RTN1: variants seen among roughly 807,000 people sequenced by gnomAD.
RTN1 encodes reticulon-1.
In RTN1, 25 loss-of-function variants were observed where a neutral mutation model predicts 65.5. The observed-to-expected ratio is 0.38, with a 90% CI of 0.28 to 0.53. The LOEUF (loss-of-function observed/expected upper bound fraction) is 0.53. Ranked by LOEUF, RTN1 falls within the 20% of genes least tolerant of loss-of-function variation. The pLI is 0.79. For missense variants in RTN1, 983 were observed against 1,025.4 expected, an observed-to-expected ratio of 0.96 and a Z score of 0.57; for synonymous variants, 471 against 447.6, an observed-to-expected ratio of 1.05 and a Z score of -0.66.
intron 1 of RTN1, among the ~76,000 whole-genome samples, chr14:59,844,238 C>A (rs1887366227): frequency 6.6e-6 from 1 of 152,174 alleles, no homozygotes; most frequent in South Asian, 2.1e-4. Flanking sequence ...GTCATTGTGA[C>A]TATACTAAGA....
chr14:59,660,642 A>G (rs1235553460), intron 3 of RTN1, among the ~76,000 whole-genome samples: 1 of 152,232 alleles, frequency 6.6e-6, no homozygotes, highest in East Asian at 1.9e-4. Flanking sequence ...ACTACTGGGT[A>G]AATAATGAAA....
intron 3 of RTN1, among the ~76,000 whole-genome samples, chr14:59,716,989 A>ACAAAC (rs61547655): frequency 0.37 from 53,841 of 146,744 alleles, 10,102 homozygotes; most frequent in Admixed American, 0.48. Context: ...AAACAAACAA[A>ACAAAC]AAAAAAAAAA....
intron 3 of RTN1, 106 bp from the exon 4 acceptor site, chr14:59,607,598 A>G: frequency 1.1e-6 from 1 of 911,918 alleles, no homozygotes; most frequent in Non-Finnish European, 1.7e-6. Flanking sequence ...CTCACCTGGC[A>G]TCTGGATTCC....
chr14:59,651,135 A>G (rs984758507), intron 3 of RTN1, among the ~76,000 whole-genome samples: 1 of 152,186 alleles, frequency 6.6e-6, no homozygotes, highest in African/African-American at 2.4e-5. Flanking sequence ...ACTTCAAACT[A>G]TACTATGGGG....
intron 1 of RTN1, among the ~76,000 whole-genome samples, chr14:59,831,267 GACT>G (rs1335857854): frequency 6.6e-6 from 1 of 152,208 alleles, no homozygotes; most frequent in Non-Finnish European, 1.5e-5. Context: ...TAAATCAGTA[GACT>G]GGGTAAAGCA....
At chr14:59,667,124 C>A (rs141982526) in intron 3 of RTN1, among the ~76,000 whole-genome samples, 1,767 of 150,686 alleles carry the variant, frequency 0.012, 37 homozygotes, top group African/African-American at 0.04. Flanking sequence ...CTAGCATCAT[C>A]CTGATAACAA....
At chr14:59,834,692 A>G (rs1369695599) in intron 1 of RTN1, among the ~76,000 whole-genome samples, 2 of 152,242 alleles carry the variant, frequency 1.3e-5, no homozygotes, top group African/African-American at 2.4e-5. Context: ...GAAAGAAGAC[A>G]TATAGCTAGC....
At chr14:59,615,264 A>C (rs930800113) in intron 3 of RTN1, among the ~76,000 whole-genome samples, 8 of 152,158 alleles carry the variant, frequency 5.3e-5, no homozygotes, top group African/African-American at 1.9e-4. Flanking sequence ...AGCCTGACCA[A>C]CGTGGAGAAA....
In RTN1 at chr14:59,710,253, CT is replaced by C. The variant is rs575950929; in HGVS notation, c.1765+16665del. Among the ~76,000 whole-genome samples the C allele has an allele frequency of 2.4e-3, 358 of 152,104 alleles. 1 individual carries two copies. Among genetic ancestry groups the C allele is most frequent in the African/African-American group, 8.4e-3 (348 of 41,498 alleles). The stretch of plus-strand genomic sequence containing the variant: ...GTAAAGATGGGGTTTTGTCATGTTG[CT>C]AAGGCTGGTCTCAAACACCTGGCTG... On this transcript the variant is annotated intron_variant, in intron 3 of 8. Coordinates refer to ENST00000267484, the MANE Select transcript of RTN1 (RefSeq NM_021136.3).
chr14:59,612,868 T>C (rs1436308425), intron 3 of RTN1, among the ~76,000 whole-genome samples: 1 of 152,248 alleles, frequency 6.6e-6, no homozygotes, highest in East Asian at 1.9e-4. Context: ...TTTGCTTCTC[T>C]AGGCCCCTTC....
chr14:59,648,798 G>T (rs1245436751), intron 3 of RTN1, among the ~76,000 whole-genome samples: 1 of 152,084 alleles, frequency 6.6e-6, no homozygotes, highest in Non-Finnish European at 1.5e-5. Flanking sequence ...AAAATAATAA[G>T]AGCCATCTAT....
chr14:59,864,937 T>C (rs1887772233), intron 1 of RTN1, among the ~76,000 whole-genome samples: 1 of 152,202 alleles, frequency 6.6e-6, no homozygotes, highest in African/African-American at 2.4e-5. Flanking sequence ...CCCTGTAGCA[T>C]ATCAGCCATC....
In RTN1 at chr14:59,734,851, G is replaced by C. The variant is rs559260030; in HGVS notation, c.1016-7183C>G. Among the ~76,000 whole-genome samples the C allele has an allele frequency of 5.3e-5, 8 of 152,200 alleles. No homozygotes were observed. In the South Asian group the frequency reaches 1.5e-3, roughly 28 times the overall value. On this transcript the variant is annotated intron_variant, in intron 2 of 8. Coordinates refer to ENST00000267484, the MANE Select transcript of RTN1 (RefSeq NM_021136.3). ...CAGGAAAACTTCCCCAACCTAGTAAGACAGGCCAACACTCAAATTCAAGAA... is the reference window on the plus strand; with the variant it reads ...CAGGAAAACTTCCCCAACCTAGTAACACAGGCCAACACTCAAATTCAAGAA...
At position 59,727,682 on chromosome 14, in the gene RTN1, G is replaced by A. The variant is rs1884810058; in HGVS notation, c.1016-14C>T. 1 of 1,572,264 alleles carries A rather than the reference G, an allele frequency of 6.4e-7. No individual in the cohort carries two copies. The highest frequency in any genetic ancestry group is 2.3e-5 in the East Asian group (1 of 44,422). ...CAGCAGATGGTTCTGTCGTCCCACA[G>A]AGCGAAGGAGAGCCACGGAGGCACA... On this transcript the variant is annotated splice_polypyrimidine_tract_variant and intron_variant, in intron 2 of 8. Coordinates refer to ENST00000267484, the MANE Select transcript of RTN1 (RefSeq NM_021136.3). The surrounding 1 kb of genome is among the most constrained non-coding windows in gnomAD (Gnocchi z 4.2).
chr14:59,626,158 T>G (rs1210431992), intron 3 of RTN1, among the ~76,000 whole-genome samples: 2 of 152,226 alleles, frequency 1.3e-5, no homozygotes, highest in Non-Finnish European at 2.9e-5. Flanking sequence ...ATGCTTTTTT[T>G]CAATTACTGT....
chr14:59,800,771 C>T (rs2139600552), intron 1 of RTN1, among the ~76,000 whole-genome samples: 1 of 152,146 alleles, frequency 6.6e-6, no homozygotes, highest in East Asian at 1.9e-4. Flanking sequence ...TAGAATCAAA[C>T]TCAGAGGTGA....
chr14:59,758,241 T>TC (rs1460520343), intron 1 of RTN1, among the ~76,000 whole-genome samples: 2 of 152,160 alleles, frequency 1.3e-5, no homozygotes, highest in Non-Finnish European at 2.9e-5. Flanking sequence ...TTCTCCAGCT[T>TC]CCAGCCTCAC....
intron 3 of RTN1, among the ~76,000 whole-genome samples, chr14:59,708,592 T>C (rs1179935736): frequency 1.3e-5 from 2 of 152,222 alleles, no homozygotes; most frequent in Admixed American, 6.5e-5. Flanking sequence ...TAGACTGGCA[T>C]GAGCTACCCA....
intron 3 of RTN1, among the ~76,000 whole-genome samples, chr14:59,678,971 C>A (rs1883686764): frequency 6.6e-6 from 1 of 152,176 alleles, no homozygotes; most frequent in African/African-American, 2.4e-5. Context: ...GTCTTAGTAT[C>A]TAACTCTGTT....
Sources: gnomAD v4.1 joint callset for allele counts (sites outside exome capture counted in the v4.1 genomes callset) on GRCh38, gnomAD v4.1.1 for gene constraint, Gnocchi (gnomAD v3.1) non-coding constraint, MANE v1.5 for transcripts, NCBI Gene and HGNC (gene_info 2026-07-23, HGNC 2026-07-21) for gene names.